IMPG1: variants seen among roughly 807,000 people sequenced by gnomAD.
IMPG1 encodes interphotoreceptor matrix proteoglycan of 150 kDa.
Under a neutral mutation model 92.0 loss-of-function variants are expected in IMPG1, and 85 were observed. The ratio of observed to expected loss-of-function variants is 0.92; its 90% CI spans 0.78 to 1.11. IMPG1 has a LOEUF of 1.11. Ranked by LOEUF, IMPG1 falls within the 50% of genes least tolerant of loss-of-function variation. The pLI, the probability that IMPG1 is intolerant of heterozygous loss-of-function variation, is 0.00. For missense variants in IMPG1, 1,022 were observed against 956.0 expected (o/e 1.07, Z -0.91); for synonymous variants, 367 against 334.1 (o/e 1.10, Z -1.08).
intron 15 of IMPG1, among the ~76,000 whole-genome samples, chr6:75,924,958 A>C (rs889132899): frequency 3.3e-5 from 5 of 150,670 alleles, no homozygotes; most frequent in Non-Finnish European, 7.4e-5. Context: ...AGTAGTTACC[A>C]GAGACTGGGG....
chr6:76,025,631 T>C lies in IMPG1; in HGVS notation c.498-373A>G, dbSNP rs1394721109. Among the ~76,000 whole-genome samples, 7 of 152,182 alleles carry C rather than the reference T, an allele frequency of 4.6e-5. No homozygotes were observed. The East Asian group carries it at 1.3e-3, about 29-fold the overall frequency. ...ATGACATGATCTGTGACTGAAATATTCTTGCTAAAATCTCAGACCCTCAAG... is the reference window on the plus strand; with the variant it reads ...ATGACATGATCTGTGACTGAAATATCCTTGCTAAAATCTCAGACCCTCAAG... On this transcript the variant is annotated intron_variant, in intron 4 of 16. Coordinates refer to ENST00000369950, the MANE Select transcript of IMPG1 (RefSeq NM_001563.4).
chr6:76,045,251 A>G (rs1381062691), intron 1 of IMPG1, among the ~76,000 whole-genome samples: 3 of 152,178 alleles, frequency 2.0e-5, no homozygotes, highest in Non-Finnish European at 2.9e-5. Context: ...AGGATGTACC[A>G]TGTTCCACTT....
chr6:75,940,624 A>G (rs769512520), intron 14 of IMPG1, among the ~76,000 whole-genome samples: 1 of 152,200 alleles, frequency 6.6e-6, no homozygotes, highest in Non-Finnish European at 1.5e-5. Context: ...ACCATAAGTC[A>G]TAGGAAACAA....
At chr6:75,943,174 G>A (rs1781862596) in intron 14 of IMPG1, among the ~76,000 whole-genome samples, 1 of 152,102 alleles carries the variant, frequency 6.6e-6, no homozygotes, top group Admixed American at 6.5e-5. Flanking sequence ...CTTTGGGGTC[G>A]CTATCTCCTC....
rs1781510247 is a variant in IMPG1 at position 75,924,679 on chromosome 6, A to ATATATAAT, written c.2244-974_2244-973insATTATATA. 3.1e-3 allele frequency among the ~76,000 whole-genome samples: 10 copies of ATATATAAT among 3,226 alleles called. 1 individual carries two copies. Among genetic ancestry groups the ATATATAAT allele is most frequent in the Admixed American group, 0.011 (1 of 88 alleles). 2.1% of individuals were successfully genotyped at this position (3,226 alleles called of 152,430 possible). A position where few individuals can be genotyped will look rare whatever the true frequency, so the allele number is the denominator to read the frequency against. On this transcript the variant is annotated intron_variant, in intron 15 of 16. Transcript: ENST00000369950. ...TATAATATATAATAAATTATATATT[A>ATATATAAT]TATATTATATATAAATAATTATATA...
Position 75,921,360 on chromosome 6 carries a change from T to C in IMPG1, c.*729A>G, listed in dbSNP as rs893231985. On this transcript the variant is annotated 3_prime_UTR_variant, in exon 17 of 17. Coordinates refer to ENST00000369950, the MANE Select transcript of IMPG1 (RefSeq NM_001563.4). ...GAAGACAGGAATTGATTATGTCATATAGTACAACTTCGCCCTTCTCCCAAC... is the reference window on the plus strand; with the variant it reads ...GAAGACAGGAATTGATTATGTCATACAGTACAACTTCGCCCTTCTCCCAAC... 2 of 152,238 alleles carry C rather than the reference T, an allele frequency of 1.3e-5. No individual in the cohort carries two copies. Among genetic ancestry groups the C allele is most frequent in the Non-Finnish European group, 1.5e-5 (1 of 68,032 alleles). 9.4% of individuals were successfully genotyped at this position (152,238 alleles called of 1,614,324 possible).
chr6:76,005,381 T>C lies in IMPG1; in HGVS notation c.1041A>G (p.Glu347=). The part of the protein sequence containing the change: ...HGTMEEDKQP[E]IYLTATDLKR... The stretch of plus-strand genomic sequence containing the variant: ...TGAGGTCTGTAGCTGTGAGATAGAT[T>C]TCTGGTTGCTTGTCCTCCTCCATGG... The change falls in exon 10 of 17, where the codon GAA becomes GAG. Residue 347 remains glutamate (E), a synonymous_variant. Transcript: ENST00000369950. 6 of 1,614,102 alleles carry C rather than the reference T, an allele frequency of 3.7e-6. No individual in the cohort carries two copies. The highest frequency in any genetic ancestry group is 5.1e-6 in the Non-Finnish European group (6 of 1,179,964).
chr6:76,024,915 T>C (rs1020937981), intron 5 of IMPG1: 2 of 499,306 alleles, frequency 4.0e-6, no homozygotes, highest in Non-Finnish European at 7.8e-6. Context: ...TATGTGTATA[T>C]AATAGAAGAA....
intron 12 of IMPG1, among the ~76,000 whole-genome samples, chr6:75,964,577 T>C (rs1431576222): frequency 3.4e-5 from 5 of 147,756 alleles, no homozygotes; most frequent in South Asian, 4.3e-4. Flanking sequence ...CTCAGGAGGC[T>C]GAGGCATAAG....
intron 1 of IMPG1, among the ~76,000 whole-genome samples, chr6:76,059,597 C>T: frequency 6.6e-6 from 1 of 151,976 alleles, no homozygotes; most frequent in Non-Finnish European, 1.5e-5. Context: ...CACACTAAGT[C>T]CTCTCATCAT....
chr6:76,068,510 CTTTTTT>C (rs1160277573), intron 1 of IMPG1, among the ~76,000 whole-genome samples: 2 of 110,182 alleles, frequency 1.8e-5, no homozygotes, highest in African/African-American at 3.5e-5. Flanking sequence ...AATGTCCATA[CTTTTTT>C]TTTTTTTTTT....
At chr6:75,935,100 C>T in intron 14 of IMPG1, 1 of 453,920 alleles carries the variant, frequency 2.2e-6, no homozygotes, top group Non-Finnish European at 4.6e-6. Context: ...CGCTAGATGG[C>T]GCTCAATAGC....
At chr6:75,975,364 T>C (rs1165077866) in intron 12 of IMPG1, among the ~76,000 whole-genome samples, 1 of 152,226 alleles carries the variant, frequency 6.6e-6, no homozygotes, top group Non-Finnish European at 1.5e-5. Flanking sequence ...AAAAAATTAA[T>C]GTAGTTTAGT....
At chr6:76,052,179 C>T (rs1317678749) in intron 1 of IMPG1, among the ~76,000 whole-genome samples, 1 of 152,014 alleles carries the variant, frequency 6.6e-6, no homozygotes. Flanking sequence ...GTGGAATTGC[C>T]AGCTGTTTAA....
rs71678760 is a variant in IMPG1, at chr6:75,945,358, C to CTTT, written c.2044+1953_2044+1955dup. Among the ~76,000 whole-genome samples, 1,049 of 122,776 alleles carry CTTT rather than the reference C, an allele frequency of 8.5e-3. 17 individuals are homozygous for CTTT. The highest frequency in any genetic ancestry group is 0.029 in the African/African-American group (961 of 33,438). 80.5% of individuals were successfully genotyped at this position (122,776 alleles called of 152,430 possible). A position where few individuals can be genotyped will look rare whatever the true frequency, so the allele number is the denominator to read the frequency against. On this transcript the variant is annotated intron_variant, in intron 14 of 16. Transcript: ENST00000369950. ...TTCTTTTCTTCTCTTTTTTTTTTTT[C>CTTT]TTTTTTTTTTTTGAGAGGAGTCTCT...
chr6:76,028,883 C>A (rs529400336), intron 4 of IMPG1, among the ~76,000 whole-genome samples: 1 of 152,160 alleles, frequency 6.6e-6, no homozygotes, highest in Non-Finnish European at 1.5e-5. Context: ...GCTTGTTTCT[C>A]TCTGCCTGGT....
rs1021691606 is a variant in IMPG1, at chr6:76,059,002, T to C, written c.67+13420A>G. 3.3e-5 allele frequency among the ~76,000 whole-genome samples: 5 copies of C among 152,252 alleles called. No homozygotes were observed. The South Asian group carries it at 6.2e-4, about 19-fold the overall frequency. On this transcript the variant is annotated intron_variant, in intron 1 of 16. Coordinates refer to ENST00000369950, the MANE Select transcript of IMPG1 (RefSeq NM_001563.4). ...AGGACTTAGGATTTATGTGAGCCTA[T>C]TGAGGCCTGGAATAGCCTGAAGAAT...
rs749239372 is a variant in IMPG1, at chr6:76,025,175, A to C, written c.562+19T>G. 3.4e-6 allele frequency: 5 copies of C among 1,488,790 alleles called. No individual in the cohort carries two copies. In the African/African-American group the frequency reaches 5.6e-5, roughly 17 times the overall value. The allele number at this position is 1,488,790 out of a possible 1,614,324, so 92.2% of individuals were successfully genotyped here. On this transcript the variant is annotated intron_variant, in intron 5 of 16. Coordinates refer to ENST00000369950, the MANE Select transcript of IMPG1 (RefSeq NM_001563.4). Reference sequence around the variant, plus strand: ...TTTGAATGAAAGTTGAGAAGCAAAGAAATTAGATCTAAGCTTACCTGTTGA... The same window carrying C: ...TTTGAATGAAAGTTGAGAAGCAAAGCAATTAGATCTAAGCTTACCTGTTGA...
At chr6:75,953,490 A>G (rs887172684) in intron 12 of IMPG1, among the ~76,000 whole-genome samples, 6 of 151,702 alleles carry the variant, frequency 4.0e-5, no homozygotes, top group African/African-American at 1.2e-4. Flanking sequence ...CCCACTTATG[A>G]GTGAGAACAT....
Sources: allele counts gnomAD v4.1 joint callset (sites outside exome capture counted in the v4.1 genomes callset), GRCh38; gene constraint gnomAD v4.1.1; transcripts MANE v1.5; gene names NCBI Gene and HGNC (gene_info 2026-07-23, HGNC 2026-07-21).